DPYD: variants seen among roughly 807,000 people sequenced by gnomAD.
DPYD encodes dihydropyrimidine dehydrogenase, also known as dihydropyrimidine dehydrogenase [NADP(+)].
A neutral mutation model predicts 116.2 loss-of-function variants in DPYD; 109 were observed. The ratio of observed to expected loss-of-function variants is 0.94; its 90% CI spans 0.80 to 1.10. The LOEUF (loss-of-function observed/expected upper bound fraction) is 1.10. Ranked by LOEUF, DPYD falls within the 50% of genes least tolerant of loss-of-function variation. DPYD has a pLI of 0.00. For missense variants in DPYD, 1,302 were observed against 1,254.5 expected, an observed-to-expected ratio of 1.04 and a Z score of -0.57; for synonymous variants, 440 against 432.0, an observed-to-expected ratio of 1.02 and a Z score of -0.23.
Position 97,515,775 on chromosome 1 carries a change from A to G in DPYD, c.1691T>C (p.Phe564Ser). ...ATSTSMIRRA[F>S]EAGWGFALTK... is the part of the protein sequence containing the mutation. Reference sequence around the variant, plus strand: ...GAGGGCAAAACCCCATCCAGCTTCAAAAGCTCTTCGAATCATTGATGTGCT... The same window carrying G: ...GAGGGCAAAACCCCATCCAGCTTCAGAAGCTCTTCGAATCATTGATGTGCT... Residue 564 changes from phenylalanine (F) to serine (S), a missense_variant, in exon 13 of 23, where the codon TTT becomes TCT. Phe to Ser is a radical substitution (Grantham distance 155). Transcript: ENST00000370192. 6.2e-7 allele frequency: 1 copy of G among 1,612,940 alleles called. No individual in the cohort carries two copies. The highest frequency in any genetic ancestry group is 8.5e-7 in the Non-Finnish European group (1 of 1,179,252).
At chr1:97,305,415 A>T in intron 17 of DPYD, 37 bp from the exon 18 acceptor site, 1 of 1,611,310 alleles carries the variant, frequency 6.2e-7, no homozygotes, top group African/African-American at 1.3e-5. Context: ...TGCAGCTCTT[A>T]TAAGACACGA....
intron 3 of DPYD, among the ~76,000 whole-genome samples, chr1:97,780,307 G>A (rs1360610642): frequency 1.3e-5 from 2 of 152,276 alleles, no homozygotes; most frequent in East Asian, 3.9e-4. Flanking sequence ...CTTCGACATT[G>A]TTGTTTTGAG....
intron 3 of DPYD, among the ~76,000 whole-genome samples, chr1:97,789,640 C>T (rs1040524022): frequency 6.6e-5 from 10 of 152,132 alleles, no homozygotes; most frequent in African/African-American, 2.2e-4. Context: ...TCTCACCTCC[C>T]ACACTTCCTT....
intron 18 of DPYD, among the ~76,000 whole-genome samples, chr1:97,301,494 C>T (rs956039370): frequency 6.6e-6 from 1 of 151,828 alleles, no homozygotes; most frequent in African/African-American, 2.4e-5. Context: ...AATTTAAGTG[C>T]CTTCTGCACT....
chr1:97,885,370 T>C (rs1672431255), intron 1 of DPYD, among the ~76,000 whole-genome samples: 1 of 152,048 alleles, frequency 6.6e-6, no homozygotes, highest in Non-Finnish European at 1.5e-5. Flanking sequence ...CCTCTACTAA[T>C]GTAATTCCAC....
intron 1 of DPYD, among the ~76,000 whole-genome samples, chr1:97,898,381 T>A (rs1420360531): frequency 6.6e-6 from 1 of 151,816 alleles, no homozygotes; most frequent in Non-Finnish European, 1.5e-5. Flanking sequence ...TTCAGCTCTG[T>A]CTCTCCAATT....
At chr1:97,233,222 G>A (rs1191623578) in intron 19 of DPYD, among the ~76,000 whole-genome samples, 3 of 152,144 alleles carry the variant, frequency 2.0e-5, no homozygotes, top group South Asian at 4.1e-4. Context: ...CTGGCTAAGA[G>A]ATGCAGGCAC....
chr1:97,802,954 C>A (rs1037419591), intron 3 of DPYD, among the ~76,000 whole-genome samples: 20 of 151,854 alleles, frequency 1.3e-4, no homozygotes, highest in Non-Finnish European at 5.9e-5. Context: ...AAAACTGATA[C>A]AGGCAAAGTT....
intron 18 of DPYD, among the ~76,000 whole-genome samples, chr1:97,285,417 C>G (rs79204295): frequency 6.6e-6 from 1 of 152,022 alleles, no homozygotes; most frequent in African/African-American, 2.4e-5. Context: ...TTTATCTATT[C>G]GTAGTTTAGA....
intron 13 of DPYD, among the ~76,000 whole-genome samples, chr1:97,506,428 G>C (rs1647335831): frequency 1.3e-5 from 2 of 149,784 alleles, no homozygotes; most frequent in South Asian, 2.1e-4. Flanking sequence ...AATTATGTGA[G>C]ACAGAATAAG....
chr1:97,516,693 A>T (rs547422674), intron 12 of DPYD, among the ~76,000 whole-genome samples: 1 of 152,012 alleles, frequency 6.6e-6, no homozygotes, highest in South Asian at 2.1e-4. Context: ...TAATAAAAAC[A>T]CTTACTCTTA....
At chr1:97,432,849 C>CA (rs1675259755) in intron 14 of DPYD, among the ~76,000 whole-genome samples, 1 of 152,116 alleles carries the variant, frequency 6.6e-6, no homozygotes, top group African/African-American at 2.4e-5. Flanking sequence ...TCATTGCCTT[C>CA]AAATGTGTCG....
intron 20 of DPYD, among the ~76,000 whole-genome samples, chr1:97,185,242 ATCT>A (rs1389247830): frequency 2.6e-5 from 4 of 152,196 alleles, no homozygotes; most frequent in Admixed American, 2.0e-4. Flanking sequence ...AAGAGTTAAC[ATCT>A]TCTTATTAGG....
At chr1:97,855,349 C>A (rs1426165022) in intron 2 of DPYD, 1 of 152,032 alleles carries the variant, frequency 6.6e-6, no homozygotes, top group African/African-American at 2.4e-5. Context: ...CAGGTCCCTG[C>A]AGATTTCTGG....
chr1:97,374,149 C>T (rs986817352), intron 15 of DPYD, among the ~76,000 whole-genome samples: 15 of 152,040 alleles, frequency 9.9e-5, no homozygotes, highest in Admixed American at 7.9e-4. Context: ...AGTAGGCTAG[C>T]TAGAATGAAT....
intron 18 of DPYD, among the ~76,000 whole-genome samples, chr1:97,302,549 G>T (rs2101026675): frequency 6.6e-6 from 1 of 151,992 alleles, no homozygotes; most frequent in East Asian, 1.9e-4. Flanking sequence ...TTGGAGTGAG[G>T]TCCTAATTTG....
intron 16 of DPYD, among the ~76,000 whole-genome samples, chr1:97,339,401 A>G (rs1392414329): frequency 6.6e-6 from 1 of 152,196 alleles, no homozygotes; most frequent in African/African-American, 2.4e-5. Context: ...TCCAATGCTA[A>G]TGAAAAAAAT....
At chr1:97,284,621 A>T (rs557375441) in intron 18 of DPYD, among the ~76,000 whole-genome samples, 8 of 152,170 alleles carry the variant, frequency 5.3e-5, no homozygotes, top group Admixed American at 4.6e-4. Context: ...AAAGTTTTAG[A>T]TCAATTTCAT....
At chr1:97,659,221 T>C (rs1330055202) in intron 8 of DPYD, among the ~76,000 whole-genome samples, 1 of 152,154 alleles carries the variant, frequency 6.6e-6, no homozygotes, top group African/African-American at 2.4e-5. Flanking sequence ...TCAAGAAAAA[T>C]GTTTTCCCCT....
Sources: allele counts gnomAD v4.1 joint callset (sites outside exome capture counted in the v4.1 genomes callset), GRCh38; gene constraint gnomAD v4.1.1; transcripts MANE v1.5; gene names NCBI Gene and HGNC (gene_info 2026-07-23, HGNC 2026-07-21).